Variants in CERS6 observed in about 807,000 individuals in gnomAD.
CERS6 encodes the protein LAG1 homolog, ceramide synthase 6.
CERS6 carries 26 observed loss-of-function variants against 56.8 expected under a neutral mutation model. That is an observed-to-expected ratio of 0.46 (90% confidence interval 0.34 to 0.63). CERS6 has a LOEUF of 0.63. Ranked by LOEUF, CERS6 falls within the 30% of genes least tolerant of loss-of-function variation. The pLI, the probability that CERS6 is intolerant of heterozygous loss-of-function variation, is 0.01. For synonymous variants in CERS6, 164 were observed against 173.3 expected, an observed-to-expected ratio of 0.95 and a Z score of 0.42; for missense variants, 415 against 467.5, an observed-to-expected ratio of 0.89 and a Z score of 1.04.
intron 1 of CERS6, among the ~76,000 whole-genome samples, chr2:168,473,018 C>T (rs1388499786): frequency 1.3e-5 from 2 of 152,070 alleles, no homozygotes; most frequent in Non-Finnish European, 2.9e-5. Context: ...ACCTTAAAAA[C>T]GTATCTTTTC....
chr2:168,596,554 CCT>C (rs1491436260), intron 3 of CERS6, among the ~76,000 whole-genome samples: 3,625 of 134,024 alleles, frequency 0.027, 137 homozygotes, highest in African/African-American at 0.1. Flanking sequence ...CATCCCCCCC[CCT>C]TTTTTTTTTT....
intron 2 of CERS6, among the ~76,000 whole-genome samples, chr2:168,556,324 G>A (rs562135558): frequency 1.3e-5 from 2 of 152,126 alleles, no homozygotes; most frequent in East Asian, 3.9e-4. Flanking sequence ...GTTTATAATT[G>A]GATATAAAAA....
At chr2:168,548,009 T>G (rs934669960) in intron 2 of CERS6, among the ~76,000 whole-genome samples, 4 of 152,138 alleles carry the variant, frequency 2.6e-5, no homozygotes, top group Admixed American at 6.5e-5. Context: ...AGAAGCAAGA[T>G]GAGGGCTGGG....
intron 1 of CERS6, among the ~76,000 whole-genome samples, chr2:168,491,309 G>A (rs748663469): frequency 1.3e-5 from 2 of 152,222 alleles, no homozygotes; most frequent in Non-Finnish European, 2.9e-5. Context: ...TTGCGCCCAT[G>A]TTTGGCTGTT....
At chr2:168,546,305 C>G (rs1199536110) in intron 1 of CERS6, among the ~76,000 whole-genome samples, 1 of 152,092 alleles carries the variant, frequency 6.6e-6, no homozygotes, top group Non-Finnish European at 1.5e-5. Flanking sequence ...GGGGAAAACT[C>G]CAGTTTCTAG....
chr2:168,519,065 G>A (rs143926197), intron 1 of CERS6, among the ~76,000 whole-genome samples: 3 of 152,166 alleles, frequency 2.0e-5, no homozygotes, highest in East Asian at 3.8e-4. Flanking sequence ...AGGAGATTGT[G>A]TTGTGGAGCA....
At chr2:168,460,660 T>C (rs1339766565) in intron 1 of CERS6, among the ~76,000 whole-genome samples, 1 of 152,210 alleles carries the variant, frequency 6.6e-6, no homozygotes, top group African/African-American at 2.4e-5. Context: ...GAGAAAGCAA[T>C]TGTTCCGTTT....
intron 9 of CERS6, among the ~76,000 whole-genome samples, chr2:168,768,267 T>C (rs1279403087): frequency 4.6e-5 from 7 of 151,716 alleles, no homozygotes; most frequent in Non-Finnish European, 7.4e-5. Context: ...GTTTCACTCA[T>C]TGCTCTGGCT....
intron 1 of CERS6, among the ~76,000 whole-genome samples, chr2:168,461,721 G>A (rs1163003312): frequency 2.6e-5 from 4 of 152,234 alleles, no homozygotes; most frequent in Admixed American, 2.6e-4. Flanking sequence ...AATGGTGGAG[G>A]AGGTAGGTGA....
intron 1 of CERS6, among the ~76,000 whole-genome samples, chr2:168,497,612 G>A (rs1447043207): frequency 4.6e-5 from 7 of 152,180 alleles, no homozygotes; most frequent in Middle Eastern, 3.2e-3. Flanking sequence ...ATCTGTTCCA[G>A]GAAAAGGAGA....
At chr2:168,635,749 G>A (rs78413316) in intron 4 of CERS6, among the ~76,000 whole-genome samples, 2,625 of 152,222 alleles carry the variant, frequency 0.017, 104 homozygotes, top group East Asian at 0.16. Flanking sequence ...AGAGTGCCCC[G>A]TCAGACTGAG....
At chr2:168,639,181 A>G (rs969515284) in intron 4 of CERS6, among the ~76,000 whole-genome samples, 1 of 152,170 alleles carries the variant, frequency 6.6e-6, no homozygotes, top group Non-Finnish European at 1.5e-5. Context: ...ACATTGGTCT[A>G]ATTTATATGC....
At chr2:168,474,427 A>G (rs867782941) in intron 1 of CERS6, among the ~76,000 whole-genome samples, 1 of 152,230 alleles carries the variant, frequency 6.6e-6, no homozygotes, top group African/African-American at 2.4e-5. Context: ...CTTTCAAGAA[A>G]AATTATACCA....
At chr2:168,470,212 C>CAAAAA (rs752453936) in intron 1 of CERS6, among the ~76,000 whole-genome samples, 5 of 105,662 alleles carry the variant, frequency 4.7e-5, no homozygotes, top group African/African-American at 1.4e-4. Flanking sequence ...CCAACTCTAC[C>CAAAAA]AAAAAAAAAA....
rs75773360 is a variant in CERS6 at position 168,758,773 on chromosome 2, G to A, written c.846-6819G>A. ...TGGGGAAATTGAGCATTGGAGGTAGGTTTTTTGGAGTAAGATGCCAGTGAA... is the reference window on the plus strand; with the variant it reads ...TGGGGAAATTGAGCATTGGAGGTAGATTTTTTGGAGTAAGATGCCAGTGAA... On this transcript the variant is annotated intron_variant, in intron 8 of 9. Coordinates refer to ENST00000305747, the MANE Select transcript of CERS6 (RefSeq NM_203463.3). 1.2e-3 allele frequency among the ~76,000 whole-genome samples: 182 copies of A among 152,278 alleles called. 1 individual carries two copies. The highest frequency in any genetic ancestry group is 4.2e-3 in the African/African-American group (174 of 41,550).
intron 1 of CERS6, among the ~76,000 whole-genome samples, chr2:168,487,095 A>G (rs1026827077): frequency 6.6e-6 from 1 of 152,174 alleles, no homozygotes; most frequent in Non-Finnish European, 1.5e-5. Flanking sequence ...CTGCAGCAGA[A>G]TGATTTTGTT....
chr2:168,757,864 G>A (rs1208375324), intron 8 of CERS6, among the ~76,000 whole-genome samples: 1 of 152,240 alleles, frequency 6.6e-6, no homozygotes, highest in Non-Finnish European at 1.5e-5. Flanking sequence ...TGTGGAGAAT[G>A]TAAGCTACAG....
Position 168,636,142 on chromosome 2 carries a change from A to G in CERS6, c.465+5100A>G, listed in dbSNP as rs183742037. Among the ~76,000 whole-genome samples, 49 of 152,248 alleles carry G rather than the reference A, an allele frequency of 3.2e-4. No homozygotes were observed. The East Asian group carries it at 7.5e-3, about 23-fold the overall frequency. On this transcript the variant is annotated intron_variant, in intron 4 of 9. Coordinates refer to ENST00000305747, the MANE Select transcript of CERS6 (RefSeq NM_203463.3). ...TACTTCTATAAGAAGTGCACATGAT[A>G]TATAATACTAACATTGGGAAGGGAC...
chr2:168,620,065 A>T (rs1318571507), intron 3 of CERS6, among the ~76,000 whole-genome samples: 2 of 108,828 alleles, frequency 1.8e-5, no homozygotes, highest in South Asian at 2.9e-4. Flanking sequence ...ACACACACAT[A>T]TTTATATATA....
Sources: allele counts gnomAD v4.1 joint callset (sites outside exome capture counted in the v4.1 genomes callset), GRCh38; gene constraint gnomAD v4.1.1; transcripts MANE v1.5; gene names NCBI Gene and HGNC (gene_info 2026-07-23, HGNC 2026-07-21).